The following HCRTR2 variants were observed in gnomAD, a reference collection of about 807,000 sequenced individuals.
HCRTR2 encodes hypocretin receptor 2.
A neutral mutation model predicts 49.0 loss-of-function variants in HCRTR2; 22 were observed. The ratio of observed to expected loss-of-function variants is 0.45; its 90% CI spans 0.32 to 0.64. HCRTR2 has a LOEUF of 0.64. Ranked by LOEUF, HCRTR2 falls within the 30% of genes least tolerant of loss-of-function variation. The pLI is 0.04. For missense variants in HCRTR2, 491 were observed against 559.4 expected (o/e 0.88, Z 1.23); for synonymous variants, 236 against 205.3 (o/e 1.15, Z -1.28).
chr6:55,204,342 G>A (rs905586770), intron 1 of HCRTR2, among the ~76,000 whole-genome samples: 1 of 152,138 alleles, frequency 6.6e-6, no homozygotes, highest in African/African-American at 2.4e-5. Context: ...GTATCTTGCT[G>A]ACTAACATAA....
At chr6:55,202,118 G>A (rs1765522618) in intron 1 of HCRTR2, among the ~76,000 whole-genome samples, 1 of 152,236 alleles carries the variant, frequency 6.6e-6, no homozygotes, top group Admixed American at 6.5e-5. Context: ...GAAGAGAATA[G>A]AAAAAACTTT....
chr6:55,248,923 G>C, intron 2 of HCRTR2, 106 bp downstream of exon 2: 1 of 939,048 alleles, frequency 1.1e-6, no homozygotes, highest in South Asian at 1.4e-5. Context: ...ATTTGCCTAA[G>C]GCATTGACAA....
intron 1 of HCRTR2, among the ~76,000 whole-genome samples, chr6:55,115,939 T>C (rs1764110295): frequency 6.6e-6 from 1 of 151,796 alleles, no homozygotes; most frequent in African/African-American, 2.4e-5. Flanking sequence ...AATATCAAAT[T>C]ATCTATGCAT....
chr6:55,187,393 CAG>C (rs1275963501), intron 1 of HCRTR2, among the ~76,000 whole-genome samples: 1 of 127,364 alleles, frequency 7.9e-6, no homozygotes, highest in Non-Finnish European at 1.6e-5. Flanking sequence ...GGCCTGGTGA[CAG>C]AGTGAGACTC....
intron 3 of HCRTR2, among the ~76,000 whole-genome samples, chr6:55,255,612 A>G (rs1475710032): frequency 6.6e-6 from 1 of 152,148 alleles, no homozygotes; most frequent in Non-Finnish European, 1.5e-5. Context: ...TATCTTTTGG[A>G]TAGGAAATGA....
In HCRTR2 at chr6:55,174,841, G is replaced by A. The variant is rs1392183139; in HGVS notation, c.223+31G>A. 3.2e-6 allele frequency: 5 copies of A among 1,570,096 alleles called. No homozygotes were observed. In the South Asian group the frequency reaches 3.3e-5, roughly 10 times the overall value. On this transcript the variant is annotated intron_variant, in intron 1 of 6. Transcript: ENST00000370862. Reference sequence around the variant, plus strand: ...TCTCCTCCCGGGCAGCCCTCCTAGGGGCTATCACCCCCTCTCCGCCCCGGG... The same window carrying A: ...TCTCCTCCCGGGCAGCCCTCCTAGGAGCTATCACCCCCTCTCCGCCCCGGG...
At chr6:55,247,381 A>C (rs985873660) in intron 1 of HCRTR2, among the ~76,000 whole-genome samples, 5 of 152,174 alleles carry the variant, frequency 3.3e-5, no homozygotes, top group African/African-American at 1.2e-4. Flanking sequence ...TTCAGGAACT[A>C]GTAAGAACAT....
At chr6:55,262,349 A>G (rs901636470) in intron 3 of HCRTR2, among the ~76,000 whole-genome samples, 4 of 141,664 alleles carry the variant, frequency 2.8e-5, no homozygotes, top group Non-Finnish European at 6.0e-5. Context: ...ATAATATTAT[A>G]TATAAATATA....
chr6:55,280,550 T>C, intron 6 of HCRTR2, 106 bp downstream of exon 6: 1 of 1,476,370 alleles, frequency 6.8e-7, no homozygotes, highest in Non-Finnish European at 9.2e-7. Flanking sequence ...GTGAGTTGTA[T>C]TTTTTCCCTG....
chr6:55,229,822 T>C (rs1250541647), intron 1 of HCRTR2, among the ~76,000 whole-genome samples: 2 of 152,192 alleles, frequency 1.3e-5, no homozygotes, highest in Non-Finnish European at 2.9e-5. Context: ...TGTACAACAT[T>C]GTGCCTACAG....
chr6:55,237,514 A>C (rs1043437486), intron 1 of HCRTR2, among the ~76,000 whole-genome samples: 1 of 152,156 alleles, frequency 6.6e-6, no homozygotes, highest in African/African-American at 2.4e-5. Flanking sequence ...TTAGGTACTA[A>C]ATTTCCGGCT....
chr6:55,165,694 T>A (rs1764866120), intron 1 of HCRTR2, among the ~76,000 whole-genome samples: 1 of 139,166 alleles, frequency 7.2e-6, no homozygotes, highest in Non-Finnish European at 1.6e-5. Context: ...ACCTACAAAA[T>A]AGGAGAACAT....
chr6:55,204,296 G>A (rs1765561643), intron 1 of HCRTR2, among the ~76,000 whole-genome samples: 1 of 152,068 alleles, frequency 6.6e-6, no homozygotes, highest in Non-Finnish European at 1.5e-5. Context: ...TTACCCAGAG[G>A]GCACCCTCTG....
At chr6:55,124,255 G>A (rs1476820682) in intron 1 of HCRTR2, among the ~76,000 whole-genome samples, 1 of 152,132 alleles carries the variant, frequency 6.6e-6, no homozygotes, top group African/African-American at 2.4e-5. Flanking sequence ...GGCATTCAGT[G>A]CTATAAATTT....
At position 55,245,505 on chromosome 6, in the gene HCRTR2, A is replaced by ATATATATATC. The variant is rs1766425716; in HGVS notation, c.224-3133_224-3132insATATATATCT. Among the ~76,000 whole-genome samples the ATATATATATC allele has an allele frequency of 3.1e-5, 4 of 130,956 alleles. No homozygotes were observed. In the South Asian group the frequency reaches 9.3e-4, roughly 30 times the overall value. The allele number at this position is 130,956 out of a possible 152,430, so 85.9% of individuals were successfully genotyped here. A position where few individuals can be genotyped will look rare whatever the true frequency, so the allele number is the denominator to read the frequency against. The stretch of plus-strand genomic sequence containing the variant: ...TATATATATATATATATATATATAT[A>ATATATATATC]TCTTCCCCAAAAGTGTGCCTTGGCT... On this transcript the variant is annotated intron_variant, in intron 1 of 6. Transcript: ENST00000370862.
chr6:55,193,929 A>G (rs1765364637), intron 1 of HCRTR2, among the ~76,000 whole-genome samples: 1 of 152,156 alleles, frequency 6.6e-6, no homozygotes, highest in African/African-American at 2.4e-5. Context: ...ATGAAACAGA[A>G]AAGGGAGAAA....
At chr6:55,117,568 ATCT>A (rs1314819581) in intron 1 of HCRTR2, among the ~76,000 whole-genome samples, 1 of 151,644 alleles carries the variant, frequency 6.6e-6, no homozygotes, top group Admixed American at 6.6e-5. Flanking sequence ...AACCTGTAAA[ATCT>A]TCTCTTTTAG....
intron 1 of HCRTR2, among the ~76,000 whole-genome samples, chr6:55,225,291 T>A (rs563176274): frequency 1.3e-5 from 2 of 152,318 alleles, no homozygotes; most frequent in South Asian, 4.1e-4. Flanking sequence ...ACTAGAAACA[T>A]GACTTTACAA....
intron 1 of HCRTR2, among the ~76,000 whole-genome samples, chr6:55,236,901 C>T (rs993341227): frequency 2.0e-5 from 3 of 152,022 alleles, no homozygotes; most frequent in Admixed American, 1.3e-4. Flanking sequence ...TTAAAGATTG[C>T]TTTTGTCTCA....
Sources: allele counts gnomAD v4.1 joint callset (sites outside exome capture counted in the v4.1 genomes callset), GRCh38; gene constraint gnomAD v4.1.1; transcripts MANE v1.5; gene names NCBI Gene and HGNC (gene_info 2026-07-23, HGNC 2026-07-21).